Variants in MCTP1 observed in about 807,000 individuals in gnomAD.
MCTP1 encodes multiple C2 and transmembrane domain-containing protein 1.
MCTP1 carries 69 observed loss-of-function variants against 120.6 expected under a neutral mutation model. That is an observed-to-expected ratio of 0.57 (90% CI 0.47 to 0.70). The LOEUF (loss-of-function observed/expected upper bound fraction) is 0.70. Ranked by LOEUF, MCTP1 falls within the 30% of genes least tolerant of loss-of-function variation. The pLI is 0.00. For synonymous variants in MCTP1, 529 were observed against 493.1 expected, an observed-to-expected ratio of 1.07 and a Z score of -0.96; for missense variants, 1,203 against 1,248.8, an observed-to-expected ratio of 0.96 and a Z score of 0.55.
intron 2 of MCTP1, among the ~76,000 whole-genome samples, chr5:95,008,367 T>C (rs62364699): frequency 0.16 from 24,476 of 152,134 alleles, 2,151 homozygotes; most frequent in East Asian, 0.32. Flanking sequence ...AGAAATCAAT[T>C]TGTGGGCTAT....
chr5:95,252,716 T>C (rs549592870), intron 1 of MCTP1, among the ~76,000 whole-genome samples: 30 of 152,214 alleles, frequency 2.0e-4, no homozygotes, highest in African/African-American at 6.3e-4. Context: ...TCCCTATTTT[T>C]TTATTTCTTA....
chr5:95,089,858 A>C (rs1291212061), intron 1 of MCTP1, among the ~76,000 whole-genome samples: 1 of 152,198 alleles, frequency 6.6e-6, no homozygotes, highest in Non-Finnish European at 1.5e-5. Context: ...TCTTCTCCAC[A>C]AACAGTCCAA....
intron 2 of MCTP1, among the ~76,000 whole-genome samples, chr5:94,994,677 T>C (rs1832259578): frequency 6.6e-6 from 1 of 152,166 alleles, no homozygotes; most frequent in African/African-American, 2.4e-5. Flanking sequence ...AAAAGTATTG[T>C]TCCTGGGTGT....
intron 2 of MCTP1, among the ~76,000 whole-genome samples, chr5:94,958,243 A>G (rs1823172065): frequency 6.6e-6 from 1 of 152,232 alleles, no homozygotes; most frequent in Non-Finnish European, 1.5e-5. Flanking sequence ...ACAACATACC[A>G]GAACCTTTGG....
At chr5:95,197,716 CTATAT>C (rs1027850001) in intron 1 of MCTP1, among the ~76,000 whole-genome samples, 3 of 152,030 alleles carry the variant, frequency 2.0e-5, no homozygotes, top group Non-Finnish European at 2.9e-5. Flanking sequence ...AGATATCTCT[CTATAT>C]TATATTTATG....
rs751396813 is a variant in MCTP1, at chr5:94,871,359, G to A, written c.2095C>T (p.Arg699Ter). Residue 699 changes from arginine to a stop codon, truncating the protein, a stop_gained, in exon 14 of 23, where the codon CGA becomes TGA. Coordinates refer to ENST00000515393, the MANE Select transcript of MCTP1 (RefSeq NM_024717.7). LOFTEE classifies it high-confidence loss of function. The stretch of plus-strand genomic sequence containing the variant: ...ACTTTGCCCAGAAAGTCAGCACTTC[G>A]ATCCCGATCTTCATCATAAACTGTC... ...EVTVYDEDRD[R>*]SADFLGKVAI... 7 of 1,612,176 alleles carry A rather than the reference G, an allele frequency of 4.3e-6. No homozygotes were observed. Among genetic ancestry groups the A allele is most frequent in the Admixed American group, 1.7e-5 (1 of 59,872 alleles).
chr5:94,999,023 C>T (rs562012808), intron 2 of MCTP1, among the ~76,000 whole-genome samples: 2 of 152,274 alleles, frequency 1.3e-5, no homozygotes, highest in South Asian at 4.1e-4. Context: ...GTCCCTCTTC[C>T]TTCCTCCAGG....
At chr5:95,197,471 A>T (rs550234685) in intron 1 of MCTP1, among the ~76,000 whole-genome samples, 4 of 152,344 alleles carry the variant, frequency 2.6e-5, no homozygotes, top group East Asian at 3.9e-4. Flanking sequence ...GATCATCATC[A>T]ATTGAGCAAT....
chr5:95,234,484 C>T (rs1267036442), intron 1 of MCTP1, among the ~76,000 whole-genome samples: 4 of 152,042 alleles, frequency 2.6e-5, no homozygotes, highest in African/African-American at 9.7e-5. Flanking sequence ...GTTCAGATAC[C>T]AGTACAAGTT....
At chr5:94,937,640 G>A (rs1053811302) in intron 5 of MCTP1, among the ~76,000 whole-genome samples, 1 of 151,890 alleles carries the variant, frequency 6.6e-6, no homozygotes, top group African/African-American at 2.4e-5. Context: ...GATTGTTGAA[G>A]AAAAAATAAT....
chr5:94,944,431 T>C (rs749860258), intron 3 of MCTP1, among the ~76,000 whole-genome samples: 1 of 152,180 alleles, frequency 6.6e-6, no homozygotes, highest in Non-Finnish European at 1.5e-5. Context: ...TATTTCACAA[T>C]ATACAATTTA....
intron 1 of MCTP1, among the ~76,000 whole-genome samples, chr5:95,248,560 G>C (rs573501312): frequency 2.3e-4 from 35 of 152,240 alleles, no homozygotes; most frequent in Non-Finnish European, 4.0e-4. Context: ...CTCATGGATA[G>C]GAAGAATCAA....
At chr5:95,198,981 A>C (rs1391358534) in intron 1 of MCTP1, among the ~76,000 whole-genome samples, 2 of 152,208 alleles carry the variant, frequency 1.3e-5, no homozygotes, top group Non-Finnish European at 2.9e-5. Flanking sequence ...CTCCAAAAGC[A>C]AATTAAGATT....
intron 2 of MCTP1, among the ~76,000 whole-genome samples, chr5:95,006,353 G>C (rs1232346931): frequency 6.6e-6 from 1 of 151,146 alleles, no homozygotes; most frequent in Non-Finnish European, 1.5e-5. Flanking sequence ...GTGTATGGGT[G>C]TATTTGTATA....
chr5:95,042,260 A>G (rs1201094465), intron 1 of MCTP1, among the ~76,000 whole-genome samples: 1 of 152,218 alleles, frequency 6.6e-6, no homozygotes, highest in African/African-American at 2.4e-5. Flanking sequence ...GGGCAAATGA[A>G]TGTATTAGGT....
chr5:94,799,206 T>A, intron 17 of MCTP1, 74 bp from the exon 18 acceptor site: 2 of 1,393,678 alleles, frequency 1.4e-6, no homozygotes, highest in Non-Finnish European at 2.0e-6. Flanking sequence ...ATTTATACTC[T>A]ACTTCAAAAA....
chr5:94,909,048 G>A (rs1807719891), intron 10 of MCTP1, among the ~76,000 whole-genome samples: 1 of 151,990 alleles, frequency 6.6e-6, no homozygotes, highest in African/African-American at 2.4e-5. Flanking sequence ...AATTCAGATA[G>A]CCTGTGTCCA....
In MCTP1 at chr5:94,855,012, A is replaced by G. The variant is rs1689715813; in HGVS notation, c.2436+13321T>C. On this transcript the variant is annotated intron_variant, in intron 17 of 22. Transcript: ENST00000515393. ...GGAGATGGGTGTTTCATCATCCACA[A>G]TTTCAGACAGAAAAATGTTCTTTTC... is the stretch of plus-strand genomic sequence containing the variant. Among the ~76,000 whole-genome samples, 3 of 151,766 alleles carry G rather than the reference A, an allele frequency of 2.0e-5. No homozygotes were observed. In the South Asian group the frequency reaches 6.2e-4, roughly 31 times the overall value.
At chr5:95,156,485 C>A (rs1371169050) in intron 1 of MCTP1, among the ~76,000 whole-genome samples, 3 of 152,194 alleles carry the variant, frequency 2.0e-5, no homozygotes, top group Non-Finnish European at 4.4e-5. Flanking sequence ...TCCGTTTAAG[C>A]AATGATCCCC....
Sources: allele counts gnomAD v4.1 joint callset (sites outside exome capture counted in the v4.1 genomes callset), GRCh38; gene constraint gnomAD v4.1.1; transcripts MANE v1.5; gene names NCBI Gene and HGNC (gene_info 2026-07-23, HGNC 2026-07-21).